Variants in MYO3B observed in about 807,000 individuals in gnomAD.
MYO3B encodes myosin-IIIb.
MYO3B carries 156 observed loss-of-function variants against 174.6 expected under a neutral mutation model. That is an observed-to-expected ratio of 0.89 (90% CI 0.78 to 1.02). The LOEUF (loss-of-function observed/expected upper bound fraction) is 1.02, where lower values mean the gene tolerates loss of function less well. MYO3B is among the 50% of genes least tolerant of loss of function. MYO3B has a pLI of 0.00. For missense variants in MYO3B, 1,632 were observed against 1,639.4 expected (o/e 1.00, Z 0.08); for synonymous variants, 563 against 569.1 (o/e 0.99, Z 0.15).
At chr2:170,510,964 A>AT (rs1687941584) in intron 28 of MYO3B, among the ~76,000 whole-genome samples, 1 of 151,756 alleles carries the variant, frequency 6.6e-6, no homozygotes, top group African/African-American at 2.4e-5. Context: ...ATGTACCACA[A>AT]TTTTATTCAT....
chr2:170,483,512 G>A (rs368271145), intron 25 of MYO3B, among the ~76,000 whole-genome samples: 3 of 135,386 alleles, frequency 2.2e-5, no homozygotes, highest in African/African-American at 3.3e-5. Flanking sequence ...TCAGCCTCCC[G>A]AATAGCTGGG....
chr2:170,594,889 TGAAGGCGGCAACTACCA>T (rs1365852612), intron 32 of MYO3B, among the ~76,000 whole-genome samples: 4 of 151,654 alleles, frequency 2.6e-5, no homozygotes, highest in Non-Finnish European at 5.9e-5. Flanking sequence ...TCTACTTTCC[TGAAGGCGGCAACTACCA>T]GGTACAGAAG....
At position 170,194,994 on chromosome 2, in the gene MYO3B, C is replaced by T. The variant is rs117690740; in HGVS notation, c.3-4214C>T. On this transcript the variant is annotated intron_variant, in intron 1 of 34. Coordinates refer to ENST00000408978, the MANE Select transcript of MYO3B (RefSeq NM_138995.5). ...GAAGACTCAGCAAGTCTAGCCCTTCCGCGTTCTTCTGCTTGCTTTATCCTA... is the reference window on the plus strand; with the variant it reads ...GAAGACTCAGCAAGTCTAGCCCTTCTGCGTTCTTCTGCTTGCTTTATCCTA... Among the ~76,000 whole-genome samples the T allele has an allele frequency of 1.3e-4, 20 of 152,010 alleles. No individual in the cohort carries two copies. In the East Asian group the frequency reaches 2.5e-3, roughly 19 times the overall value.
At chr2:170,231,435 G>C (rs2093015063) in intron 6 of MYO3B, among the ~76,000 whole-genome samples, 1 of 152,218 alleles carries the variant, frequency 6.6e-6, no homozygotes, top group South Asian at 2.1e-4. Context: ...CCCACTGCTA[G>C]GTAAAATAGC....
intron 28 of MYO3B, among the ~76,000 whole-genome samples, chr2:170,502,269 A>G (rs1439585690): frequency 6.6e-6 from 1 of 152,216 alleles, no homozygotes; most frequent in Non-Finnish European, 1.5e-5. Flanking sequence ...TCTCGGAGTC[A>G]TATGTCCCTC....
At chr2:170,442,447 C>A (rs778747091) in intron 22 of MYO3B, among the ~76,000 whole-genome samples, 2 of 150,524 alleles carry the variant, frequency 1.3e-5, no homozygotes, top group Non-Finnish European at 3.0e-5. Context: ...AAATATATTG[C>A]CCATTTATTA....
At chr2:170,402,733 C>A in intron 18 of MYO3B, 115 bp from the exon 19 acceptor site, 1 of 963,354 alleles carries the variant, frequency 1.0e-6, no homozygotes, top group Non-Finnish European at 1.4e-6. Flanking sequence ...ATGCTGCTTT[C>A]CATGAGTGGG....
intron 28 of MYO3B, among the ~76,000 whole-genome samples, chr2:170,510,868 A>G (rs934519332): frequency 1.3e-5 from 2 of 152,096 alleles, no homozygotes; most frequent in Non-Finnish European, 2.9e-5. Context: ...TTTTTCACTT[A>G]GCATAATGCT....
intron 32 of MYO3B, among the ~76,000 whole-genome samples, chr2:170,646,243 C>T (rs909900725): frequency 1.3e-5 from 2 of 151,104 alleles, no homozygotes; most frequent in African/African-American, 4.9e-5. Flanking sequence ...CGCACTCCAG[C>T]CTGGGCAAGA....
intron 23 of MYO3B, among the ~76,000 whole-genome samples, chr2:170,447,784 A>G (rs1224625846): frequency 1.3e-5 from 2 of 152,232 alleles, no homozygotes; most frequent in African/African-American, 4.8e-5. Flanking sequence ...TCGAGTAGTC[A>G]AGGATTGGAG....
intron 7 of MYO3B, among the ~76,000 whole-genome samples, chr2:170,324,793 G>T (rs1398888919): frequency 2.0e-5 from 3 of 152,236 alleles, no homozygotes; most frequent in Non-Finnish European, 4.4e-5. Context: ...GAACGCTCTT[G>T]CAGGTTTCAG....
At chr2:170,325,848 G>A (rs2093862750) in intron 7 of MYO3B, among the ~76,000 whole-genome samples, 1 of 152,140 alleles carries the variant, frequency 6.6e-6, no homozygotes, top group Non-Finnish European at 1.5e-5. Context: ...ACTCCCTGCA[G>A]ATGAAAGCTA....
At chr2:170,632,782 TA>T (rs1271606176) in intron 32 of MYO3B, among the ~76,000 whole-genome samples, 7 of 151,834 alleles carry the variant, frequency 4.6e-5, no homozygotes, top group African/African-American at 1.7e-4. Flanking sequence ...ATAGACATAA[TA>T]AAAAATGATA....
intron 25 of MYO3B, among the ~76,000 whole-genome samples, chr2:170,472,761 G>A (rs1328643630): frequency 6.6e-6 from 1 of 151,262 alleles, no homozygotes; most frequent in Non-Finnish European, 1.5e-5. Flanking sequence ...GAATGCAGTG[G>A]CACAATGTTG....
intron 29 of MYO3B, among the ~76,000 whole-genome samples, 189 bp from the exon 30 acceptor site, chr2:170,519,249 A>C (rs1688510572): frequency 2.6e-5 from 4 of 152,170 alleles, no homozygotes; most frequent in Admixed American, 2.6e-4. Context: ...ACTGAGACCA[A>C]GCATGGAACA....
At chr2:170,524,317 T>C (rs1688866434) in intron 30 of MYO3B, among the ~76,000 whole-genome samples, 1 of 152,204 alleles carries the variant, frequency 6.6e-6, no homozygotes, top group African/African-American at 2.4e-5. Flanking sequence ...GTTTCAGATC[T>C]ACCTACACCT....
Position 170,394,261 on chromosome 2 carries a change from A to G in MYO3B, c.1791+1766A>G, listed in dbSNP as rs143195564. Among the ~76,000 whole-genome samples, 181 of 152,296 alleles carry G rather than the reference A, an allele frequency of 1.2e-3. 2 individuals carry two copies. The East Asian group carries it at 0.024, about 20-fold the overall frequency. ...GGTCATCACCAAGGTCTGATTGCAA[A>G]AATTCAAAACATTGCAACCTCAGGC... On this transcript the variant is annotated intron_variant, in intron 16 of 34. Transcript: ENST00000408978.
intron 28 of MYO3B, among the ~76,000 whole-genome samples, chr2:170,503,240 T>G (rs976169104): frequency 2.6e-5 from 4 of 152,200 alleles, no homozygotes; most frequent in Non-Finnish European, 4.4e-5. Flanking sequence ...TAAATCCAAT[T>G]TTCCCTAAGT....
intron 32 of MYO3B, among the ~76,000 whole-genome samples, chr2:170,548,731 A>T (rs6741981): frequency 8.5e-4 from 130 of 152,350 alleles, no homozygotes; most frequent in African/African-American, 3.1e-3. Flanking sequence ...TAGGGGCATG[A>T]TTATTAACAG....
Sources: allele counts gnomAD v4.1 joint callset (sites outside exome capture counted in the v4.1 genomes callset), GRCh38; gene constraint gnomAD v4.1.1; transcripts MANE v1.5; gene names NCBI Gene and HGNC (gene_info 2026-07-23, HGNC 2026-07-21).